The following DOCK1 variants were observed in gnomAD, a reference collection of about 807,000 sequenced individuals.
DOCK1 encodes dedicator of cytokinesis 1, also known as dedicator of cytokinesis protein 1.
A neutral mutation model predicts 262.7 loss-of-function variants in DOCK1; 138 were observed. The ratio of observed to expected loss-of-function variants is 0.53; its 90% CI spans 0.46 to 0.61. DOCK1 has a LOEUF of 0.61. Among genes scored for constraint, DOCK1 ranks in the 20% least tolerant of loss-of-function variants. The pLI, the probability that DOCK1 is intolerant of heterozygous loss-of-function variation, is 0.00. For missense variants in DOCK1, 1,908 were observed against 2,370.7 expected, an observed-to-expected ratio of 0.80 and a Z score of 4.05; for synonymous variants, 866 against 867.4, an observed-to-expected ratio of 1.00 and a Z score of 0.03.
At chr10:127,148,698 CT>C (rs2133419330) in intron 27 of DOCK1, among the ~76,000 whole-genome samples, 1 of 152,318 alleles carries the variant, frequency 6.6e-6, no homozygotes, top group East Asian at 1.9e-4. Context: ...GAAATTTCAG[CT>C]GCTTATGAGC....
At chr10:127,251,347 A>G (rs1005834500) in intron 28 of DOCK1, among the ~76,000 whole-genome samples, 1 of 152,134 alleles carries the variant, frequency 6.6e-6, no homozygotes, top group Non-Finnish European at 1.5e-5. Context: ...GTATTTCAAT[A>G]TGAAAGTGGC....
chr10:126,981,318 C>T (rs1022326485), intron 3 of DOCK1, among the ~76,000 whole-genome samples: 2 of 152,194 alleles, frequency 1.3e-5, no homozygotes, highest in Admixed American at 1.3e-4. Context: ...AGAAACTCTC[C>T]CCAGGCTTCA....
At chr10:126,939,503 G>A (rs1591374602) in intron 1 of DOCK1, among the ~76,000 whole-genome samples, 1 of 152,140 alleles carries the variant, frequency 6.6e-6, no homozygotes, top group Non-Finnish European at 1.5e-5. Context: ...AGGCTGGTAG[G>A]TTAAGGGACA....
At chr10:127,225,338 C>G (rs2058596181) in intron 27 of DOCK1, among the ~76,000 whole-genome samples, 1 of 152,244 alleles carries the variant, frequency 6.6e-6, no homozygotes, top group Admixed American at 6.5e-5. Context: ...AGGAGGGGGT[C>G]TGCAGTAACT....
intron 29 of DOCK1, among the ~76,000 whole-genome samples, chr10:127,325,828 C>G (rs1366476746): frequency 1.3e-5 from 2 of 152,146 alleles, no homozygotes; most frequent in Non-Finnish European, 2.9e-5. Flanking sequence ...GTGATTATAT[C>G]TTAACTCTTT....
At chr10:126,974,528 A>G (rs930934250) in intron 2 of DOCK1, among the ~76,000 whole-genome samples, 18 of 152,112 alleles carry the variant, frequency 1.2e-4, no homozygotes, top group African/African-American at 4.3e-4. Context: ...GCCACTTGCA[A>G]GCCGTGCCAG....
chr10:127,053,321 G>A (rs1229104974), intron 22 of DOCK1, among the ~76,000 whole-genome samples: 1 of 152,160 alleles, frequency 6.6e-6, no homozygotes, highest in East Asian at 1.9e-4. Flanking sequence ...CAGCCTGGGC[G>A]ACAGAGCGAG....
At chr10:127,450,907 C>T (rs2070919121) in intron 51 of DOCK1, among the ~76,000 whole-genome samples, 2 of 152,142 alleles carry the variant, frequency 1.3e-5, no homozygotes, top group Admixed American at 6.5e-5. Flanking sequence ...GAAATATGTA[C>T]TGTCTAGCCC....
intron 27 of DOCK1, among the ~76,000 whole-genome samples, chr10:127,229,138 C>T (rs1222285382): frequency 6.6e-6 from 1 of 152,120 alleles, no homozygotes; most frequent in Non-Finnish European, 1.5e-5. Context: ...GCAGGAGAAT[C>T]GCTTGAACCC....
chr10:127,158,594 T>C (rs1447682081), intron 27 of DOCK1, among the ~76,000 whole-genome samples: 1 of 152,152 alleles, frequency 6.6e-6, no homozygotes, highest in Non-Finnish European at 1.5e-5. Context: ...ATAGAGTCCA[T>C]ATTTGTATTT....
In DOCK1 at chr10:127,248,001, T is replaced by A. The variant is rs188021067; in HGVS notation, c.2848-7T>A. On this transcript the variant is annotated splice_polypyrimidine_tract_variant and splice_region_variant and intron_variant, in intron 27 of 51. Transcript: ENST00000623213. ...TCATCTAATTCTATCTTTTGATTCA[T>A]TTACAGGGAAACTTCGTGGCTTGCA... 1.3e-4 allele frequency: 213 copies of A among 1,613,472 alleles called. 1 individual carries two copies. The highest frequency in any genetic ancestry group is 4.9e-4 in the Middle Eastern group (3 of 6,062).
intron 27 of DOCK1, among the ~76,000 whole-genome samples, chr10:127,181,928 C>A (rs981020110): frequency 6.6e-6 from 1 of 152,134 alleles, no homozygotes; most frequent in African/African-American, 2.4e-5. Context: ...ATTCATTATC[C>A]GGTTTAATTT....
At chr10:127,170,185 G>T (rs57172741) in intron 27 of DOCK1, among the ~76,000 whole-genome samples, 2,611 of 152,216 alleles carry the variant, frequency 0.017, 82 homozygotes, top group African/African-American at 0.059. Flanking sequence ...CAAGGTACTA[G>T]ACTCTTTGGG....
chr10:127,163,254 C>G (rs772711763), intron 27 of DOCK1, among the ~76,000 whole-genome samples: 3 of 152,184 alleles, frequency 2.0e-5, no homozygotes, highest in Non-Finnish European at 2.9e-5. Flanking sequence ...TGAGGTGCAT[C>G]AGCAATGCCT....
chr10:127,032,854 G>A (rs983073039), intron 18 of DOCK1, among the ~76,000 whole-genome samples: 2 of 152,214 alleles, frequency 1.3e-5, no homozygotes, highest in African/African-American at 4.8e-5. Context: ...ACTGTGCCCA[G>A]CTGTATTACT....
intron 29 of DOCK1, among the ~76,000 whole-genome samples, chr10:127,268,949 C>T (rs777706612): frequency 1.3e-4 from 20 of 152,112 alleles, no homozygotes; most frequent in Non-Finnish European, 2.4e-4. Context: ...CCAATTCTGC[C>T]GAGCCTGGGG....
chr10:127,334,697 A>G (rs964097469), intron 29 of DOCK1, among the ~76,000 whole-genome samples: 5 of 152,340 alleles, frequency 3.3e-5, no homozygotes, highest in Non-Finnish European at 7.3e-5. Flanking sequence ...ATTTTAGATT[A>G]CAAATAATCC....
chr10:126,998,130 G>A lies in DOCK1; in HGVS notation c.648G>A (p.Lys216=), dbSNP rs1404422570. Residue 216 remains lysine (K), a synonymous_variant, in exon 8 of 52, where the codon AAG becomes AAA. Transcript: ENST00000623213. ...KQNIDINRQA[K]FAATPSLALF... is the part of the protein sequence containing the mutation. ...ACATAGATATTAACAGACAAGCCAA[G>A]TTTGCTGCAACCCCTTCTCTGGCCT... 1.2e-6 allele frequency: 2 copies of A among 1,613,922 alleles called. No homozygotes were observed. The highest frequency in any genetic ancestry group is 1.7e-5 in the Admixed American group (1 of 60,008).
intron 1 of DOCK1, among the ~76,000 whole-genome samples, chr10:126,924,687 G>A (rs774311013): frequency 5.9e-5 from 9 of 152,262 alleles, no homozygotes; most frequent in East Asian, 1.9e-4. Flanking sequence ...TGCAGTTTTC[G>A]TCTGACCAGC....
Sources: allele counts gnomAD v4.1 joint callset (sites outside exome capture counted in the v4.1 genomes callset), GRCh38; gene constraint gnomAD v4.1.1; transcripts MANE v1.5; gene names NCBI Gene and HGNC (gene_info 2026-07-23, HGNC 2026-07-21).